ARHGEF18: variants seen among roughly 807,000 people sequenced by gnomAD.
The protein encoded by ARHGEF18 is Rho/Rac guanine nucleotide exchange factor 18.
Under a neutral mutation model 155.7 loss-of-function variants are expected in ARHGEF18, and 93 were observed. That is an observed-to-expected ratio of 0.60 (90% CI 0.50 to 0.71). ARHGEF18 has a LOEUF of 0.71. Among genes scored for constraint, ARHGEF18 ranks in the 30% least tolerant of loss-of-function variants. The pLI, the probability that ARHGEF18 is intolerant of heterozygous loss-of-function variation, is 0.00. For synonymous variants in ARHGEF18, 742 were observed against 753.1 expected, an observed-to-expected ratio of 0.99 and a Z score of 0.24; for missense variants, 1,593 against 1,816.1, an observed-to-expected ratio of 0.88 and a Z score of 2.23.
Position 7,468,923 on chromosome 19 carries a change from G to A in ARHGEF18, c.3579G>A (p.Glu1193=). 1 of 1,575,352 alleles carries A rather than the reference G, an allele frequency of 6.3e-7. No homozygotes were observed. The highest frequency in any genetic ancestry group is 8.6e-7 in the Non-Finnish European group (1 of 1,161,452). The change falls in exon 27 of 29, where the codon GAG becomes GAA. Residue 1193 remains glutamate (E), a synonymous_variant. Transcript: ENST00000668164. ...CCGGCGTGGGGCCAGAGTACGCAGA[G>A]CGCCCCGAGGTGGCTCGCCGGGACA... ...LPSGVGPEYA[E]RPEVARRDSA... is the part of the protein sequence containing the mutation.
At chr19:7,357,527 G>A (rs114856341) in intron 1 of ARHGEF18, among the ~76,000 whole-genome samples, 3,283 of 152,258 alleles carry the variant, frequency 0.022, 57 homozygotes, top group African/African-American at 0.045. Flanking sequence ...CAGCTCCTTG[G>A]AGAGAAGCAT....
chr19:7,416,530 C>CGTGTGTGTGTGTGTGTGTGT (rs71179108), intron 10 of ARHGEF18, among the ~76,000 whole-genome samples: 2 of 105,952 alleles, frequency 1.9e-5, no homozygotes, highest in East Asian at 2.9e-4. Context: ...GGAGAAAATT[C>CGTGTGTGTGTGTGTGTGTGT]GTGTGTGTGT....
chr19:7,458,936 C>G (rs895160595), intron 19 of ARHGEF18, among the ~76,000 whole-genome samples: 5 of 152,340 alleles, frequency 3.3e-5, no homozygotes, highest in South Asian at 4.1e-4. Flanking sequence ...ATGGCGGGCT[C>G]TCTGCATTCT....
At position 7,362,023 on chromosome 19, in the gene ARHGEF18, G is replaced by GGAGA. The variant is rs1568264425; in HGVS notation, c.-110-758_-110-757insGAGA. Among the ~76,000 whole-genome samples the GGAGA allele has an allele frequency of 1.7e-4, 8 of 48,066 alleles. No homozygotes were observed. The East Asian group carries it at 3.4e-3, about 20-fold the overall frequency. 31.5% of individuals were successfully genotyped at this position (48,066 alleles called of 152,430 possible). A position where few individuals can be genotyped will look rare whatever the true frequency, so the allele number is the denominator to read the frequency against. On this transcript the variant is annotated intron_variant, in intron 1 of 28. Coordinates refer to ENST00000668164, the MANE Select transcript of ARHGEF18 (RefSeq NM_001367823.1). Reference sequence around the variant, plus strand: ...GAAGAAGAAGAAGAAGAAGGAGAAGGAGAAGGAGAAGGAGAAGGAGAAGGA... The same window carrying GGAGA: ...GAAGAAGAAGAAGAAGAAGGAGAAGGGAGAAGAAGGAGAAGGAGAAGGAGAAGGA...
At chr19:7,443,490 C>G (rs974311253) in intron 13 of ARHGEF18, among the ~76,000 whole-genome samples, 1 of 152,144 alleles carries the variant, frequency 6.6e-6, no homozygotes, top group Admixed American at 6.5e-5. Context: ...CGTGAGCCAC[C>G]ACCCTTGGCC....
chr19:7,366,342 C>T lies in ARHGEF18; in HGVS notation c.15+3437C>T, dbSNP rs540262978. Among the ~76,000 whole-genome samples the T allele has an allele frequency of 2.0e-5, 3 of 152,366 alleles. No homozygotes were observed. The South Asian group carries it at 6.2e-4, about 32-fold the overall frequency. Reference sequence around the variant, plus strand: ...TAAATCCATGCTTTGGCCAACCAGACTCGTGTTCCCCAACGGTCCACACCT... The same window carrying T: ...TAAATCCATGCTTTGGCCAACCAGATTCGTGTTCCCCAACGGTCCACACCT... On this transcript the variant is annotated intron_variant, in intron 2 of 28. Transcript: ENST00000668164.
intron 3 of ARHGEF18, 97 bp downstream of exon 3, chr19:7,373,168 T>C (rs1313037132): frequency 3.3e-6 from 4 of 1,225,512 alleles, no homozygotes; most frequent in Non-Finnish European, 3.1e-6. Flanking sequence ...AGCCACCCCT[T>C]GCACCTGCCG....
rs922387074 is a variant in ARHGEF18, at chr19:7,462,899, T to C, written c.2635+565T>C. ...TCACCCAGGCTGGAGTGCAGTGGCG[T>C]GATCTCGGCTCACTGCAACCTCCAC... On this transcript the variant is annotated intron_variant, in intron 21 of 28. Transcript: ENST00000668164. This position sits in a 1 kb window ranked among gnomAD's most constrained non-coding sequence, Gnocchi z 4.4. Among the ~76,000 whole-genome samples the C allele has an allele frequency of 3.6e-4, 54 of 148,650 alleles. No homozygotes were observed. The highest frequency in any genetic ancestry group is 5.6e-4 in the Non-Finnish European group (38 of 67,408).
chr19:7,439,179 G>A (rs62109767), intron 10 of ARHGEF18, among the ~76,000 whole-genome samples: 61,337 of 151,114 alleles, frequency 0.41, 13,069 homozygotes, highest in East Asian at 0.6. Flanking sequence ...CACCGCACCC[G>A]GCCATAGTTG....
At chr19:7,477,299 G>A (rs749464737), downstream of ARHGEF18, 76 of 1,572,974 alleles carry the variant, frequency 4.8e-5, no homozygotes, top group Non-Finnish European at 5.6e-5. Context: ...TAGCCACGGC[G>A]GGAAGCGGCC....
At chr19:7,409,734 G>C (rs1392467958) in intron 10 of ARHGEF18, among the ~76,000 whole-genome samples, 1 of 150,764 alleles carries the variant, frequency 6.6e-6, no homozygotes, top group Non-Finnish European at 1.5e-5. Context: ...GAGCCATCGC[G>C]CCTGGCCTGT....
At position 7,453,343 on chromosome 19, in the gene ARHGEF18, C is replaced by T. The variant is rs1975613742; in HGVS notation, c.1856-124C>T. 1.2e-5 allele frequency: 14 copies of T among 1,169,784 alleles called. No individual in the cohort carries two copies. The South Asian group carries it at 3.0e-4, about 25-fold the overall frequency. The allele number at this position is 1,169,784 out of a possible 1,614,324, so 72.5% of individuals were successfully genotyped here. On this transcript the variant is annotated intron_variant, in intron 16 of 28. Coordinates refer to ENST00000668164, the MANE Select transcript of ARHGEF18 (RefSeq NM_001367823.1). ...CCTTGGAGAACACACCTCATAGATC[C>T]CACACGCCCATACATAGTGTGTCCA...
rs1305538966 is a variant in ARHGEF18 at position 7,371,225 on chromosome 19, T to C, written c.16-1587T>C. Among the ~76,000 whole-genome samples, 5 of 151,734 alleles carry C rather than the reference T, an allele frequency of 3.3e-5. No homozygotes were observed. The East Asian group carries it at 9.7e-4, about 29-fold the overall frequency. ...TGGTCAGATTCATGGAGACAGAAAGTAGAAAGGTGGGTGCCAGGGGCTGGG... is the reference window on the plus strand; with the variant it reads ...TGGTCAGATTCATGGAGACAGAAAGCAGAAAGGTGGGTGCCAGGGGCTGGG... On this transcript the variant is annotated intron_variant, in intron 2 of 28. Transcript: ENST00000668164.
intron 13 of ARHGEF18, among the ~76,000 whole-genome samples, chr19:7,443,950 G>A (rs1974831548): frequency 6.6e-6 from 1 of 151,860 alleles, no homozygotes; most frequent in African/African-American, 2.4e-5. Context: ...CCGTTGGGTT[G>A]ACACTGGGCG....
In ARHGEF18 at chr19:7,467,272, G is replaced by A. The variant is rs748464108; in HGVS notation, c.3068G>A (p.Arg1023Gln). The change falls in exon 26 of 29, where the codon CGG becomes CAG. Residue 1023 changes from arginine (R) to glutamine (Q), a missense_variant. Transcript: ENST00000668164. Reference protein sequence around the residue: ...VETQRAAIQEREKQFRLQSTR... With the variant: ...VETQRAAIQEQEKQFRLQSTR... ...ACGCAGCGGGCTGCCATCCAGGAGC[G>A]GGAGAAGCAGTTCCGGCTGCAGTCG... 25 of 1,557,464 alleles carry A rather than the reference G, an allele frequency of 1.6e-5. No individual in the cohort carries two copies. Among genetic ancestry groups the A allele is most frequent in the East Asian group, 1.2e-4 (5 of 41,712 alleles).
intron 15 of ARHGEF18, among the ~76,000 whole-genome samples, chr19:7,450,217 CT>C (rs1179334679): frequency 7.2e-6 from 1 of 137,952 alleles, no homozygotes; most frequent in African/African-American, 2.7e-5. Flanking sequence ...AATGCGGTAT[CT>C]CGCTTTCTGT....
At chr19:7,474,037 T>TA (rs1452930228), downstream of ARHGEF18, among the ~76,000 whole-genome samples, 1 of 147,252 alleles carries the variant, frequency 6.8e-6, no homozygotes, top group African/African-American at 2.5e-5. Context: ...GAAATGAAAT[T>TA]TAAAAAAAAA....
At chr19:7,468,456 G>C (rs1055993565) in intron 26 of ARHGEF18, among the ~76,000 whole-genome samples, 1 of 152,118 alleles carries the variant, frequency 6.6e-6, no homozygotes, top group Admixed American at 6.6e-5. Context: ...CTGAGGCAGG[G>C]GGATCATTTG....
At chr19:7,437,416 C>T (rs1195538563) in intron 10 of ARHGEF18, among the ~76,000 whole-genome samples, 1 of 123,124 alleles carries the variant, frequency 8.1e-6, no homozygotes, top group African/African-American at 3.3e-5. Context: ...AAGCGGAAAT[C>T]CGTCTCAAAA....
Sources: allele counts gnomAD v4.1 joint callset (sites outside exome capture counted in the v4.1 genomes callset), GRCh38; gene constraint gnomAD v4.1.1; non-coding constraint Gnocchi (gnomAD v3.1); transcripts MANE v1.5; gene names NCBI Gene and HGNC (gene_info 2026-07-23, HGNC 2026-07-21).